NBAS: variants seen among roughly 807,000 people sequenced by gnomAD.
NBAS encodes the protein NAG/BC035112 fusion.
In NBAS, 219 loss-of-function variants were observed where a neutral mutation model predicts 302.5. The ratio of observed to expected loss-of-function variants is 0.72; its 90% confidence interval spans 0.65 to 0.81. The LOEUF (loss-of-function observed/expected upper bound fraction) is 0.81. NBAS is among the 30% of genes least tolerant of loss of function. The pLI is 0.00. For synonymous variants in NBAS, 1,118 were observed against 1,021.6 expected (o/e 1.09, Z -1.80); for missense variants, 2,932 against 2,841.6 (o/e 1.03, Z -0.72).
chr2:15,051,407 A>AG, the NBAS span, among the ~76,000 whole-genome samples: 3 of 152,346 alleles, frequency 2.0e-5, no homozygotes, highest in Non-Finnish European at 4.4e-5. Context: ...GGCAAGCTGC[A>AG]GGTGGCTGAC....
intron 32 of NBAS, among the ~76,000 whole-genome samples, chr2:15,364,221 T>G (rs1434896218): frequency 6.6e-6 from 1 of 152,086 alleles, no homozygotes; most frequent in African/African-American, 2.4e-5. Flanking sequence ...TGCCCAAATA[T>G]CAAAGCTAGA....
chr2:15,524,240 G>C (rs1662813619), intron 9 of NBAS, among the ~76,000 whole-genome samples: 1 of 152,206 alleles, frequency 6.6e-6, no homozygotes, highest in Non-Finnish European at 1.5e-5. Flanking sequence ...CGGGAGACAC[G>C]TGGTGAATGG....
chr2:15,383,925 G>A (rs529617682), intron 28 of NBAS, among the ~76,000 whole-genome samples: 7 of 152,236 alleles, frequency 4.6e-5, no homozygotes, highest in South Asian at 4.1e-4. Flanking sequence ...TCAAGTGACC[G>A]CCCCAGTACA....
chr2:15,341,646 A>G (rs1392548650), intron 35 of NBAS, among the ~76,000 whole-genome samples: 1 of 152,192 alleles, frequency 6.6e-6, no homozygotes, highest in Admixed American at 6.6e-5. Context: ...ATGAAGAAAC[A>G]GCGGGATAGA....
chr2:15,403,067 T>C (rs1188035895), intron 25 of NBAS, among the ~76,000 whole-genome samples: 2 of 150,462 alleles, frequency 1.3e-5, no homozygotes, highest in Non-Finnish European at 2.9e-5. Context: ...CTTATATTAT[T>C]AGCACCACAG....
intron 32 of NBAS, among the ~76,000 whole-genome samples, chr2:15,357,287 A>C (rs1479698540): frequency 1.3e-5 from 2 of 152,182 alleles, no homozygotes; most frequent in Admixed American, 6.5e-5. Flanking sequence ...CACATTAACT[A>C]ATCAAGTATT....
Position 15,353,727 on chromosome 2 carries a change from G to C in NBAS, c.3932-17C>G. Reference sequence around the variant, plus strand: ...TAGGATAACCTGCAAAATTGGCAAGGAAAAAAATGATTCCCAAAAGAAGAA... The same window carrying C: ...TAGGATAACCTGCAAAATTGGCAAGCAAAAAAATGATTCCCAAAAGAAGAA... On this transcript the variant is annotated splice_polypyrimidine_tract_variant and intron_variant, in intron 33 of 51. Coordinates refer to ENST00000281513, the MANE Select transcript of NBAS (RefSeq NM_015909.4). 1 of 1,611,464 alleles carries C rather than the reference G, an allele frequency of 6.2e-7. No homozygotes were observed. Among genetic ancestry groups the C allele is most frequent in the Non-Finnish European group, 8.5e-7 (1 of 1,178,760 alleles).
At chr2:15,209,977 A>AATGGATT (rs1377491548) in intron 48 of NBAS, among the ~76,000 whole-genome samples, 2 of 152,154 alleles carry the variant, frequency 1.3e-5, no homozygotes, top group Admixed American at 1.3e-4. Flanking sequence ...ATCAAATCAA[A>AATGGATT]ATGGATTAAA....
At chr2:14,802,093 T>C in the NBAS span, among the ~76,000 whole-genome samples, 14 of 145,388 alleles carry the variant, frequency 9.6e-5, no homozygotes, top group Non-Finnish European at 1.8e-4. Context: ...ATGAAGTCCT[T>C]GCCCATGCCT....
In NBAS at chr2:15,309,205, G is replaced by C. The variant is rs1671168688; in HGVS notation, c.4625C>G (p.Thr1542Ser). 1 of 1,612,834 alleles carries C rather than the reference G, an allele frequency of 6.2e-7. No individual in the cohort carries two copies. The highest frequency in any genetic ancestry group is 1.3e-5 in the African/African-American group (1 of 74,990). ...LASEALPNDM[T>S]LALAYLLALP... ...GGCAAGAAGGTAAGCAAGAGCCAAGGTCATGTCATTTGGCAAGGCTTCACT... is the reference window on the plus strand; with the variant it reads ...GGCAAGAAGGTAAGCAAGAGCCAAGCTCATGTCATTTGGCAAGGCTTCACT... Residue 1542 changes from threonine (T) to serine (S), a missense_variant, in exon 39 of 52, where the codon ACC becomes AGC. Coordinates refer to ENST00000281513, the MANE Select transcript of NBAS (RefSeq NM_015909.4).
chr2:14,986,909 A>G, the NBAS span, among the ~76,000 whole-genome samples: 1 of 152,158 alleles, frequency 6.6e-6, no homozygotes, highest in African/African-American at 2.4e-5. Flanking sequence ...AATAGGCAGT[A>G]GGTGAGAAAT....
intron 48 of NBAS, among the ~76,000 whole-genome samples, chr2:15,200,491 T>C (rs1183695655): frequency 6.6e-6 from 1 of 152,108 alleles, no homozygotes; most frequent in Non-Finnish European, 1.5e-5. Context: ...TCTTTTAACA[T>C]CCCCACCCCT....
chr2:15,200,363 T>C (rs190165453), intron 48 of NBAS, among the ~76,000 whole-genome samples: 1 of 152,332 alleles, frequency 6.6e-6, no homozygotes, highest in African/African-American at 2.4e-5. Flanking sequence ...GTATTTCAAA[T>C]GACTCTTAAG....
intron 6 of NBAS, among the ~76,000 whole-genome samples, chr2:15,550,133 G>C (rs566037685): frequency 6.6e-6 from 1 of 151,968 alleles, no homozygotes; most frequent in African/African-American, 2.4e-5. Context: ...ACTGCACTCC[G>C]GCCTGGCAAC....
intron 25 of NBAS, among the ~76,000 whole-genome samples, chr2:15,407,176 T>G (rs1676455927): frequency 2.6e-5 from 4 of 152,202 alleles, no homozygotes. Flanking sequence ...TTTTAAAATT[T>G]TATTAGATTT....
the NBAS span, among the ~76,000 whole-genome samples, chr2:14,838,772 G>A: frequency 6.6e-6 from 1 of 151,762 alleles, no homozygotes. Context: ...CTAGAACTTG[G>A]ATTTTTATCT....
chr2:15,353,722 G>A lies in NBAS; in HGVS notation c.3932-12C>T, dbSNP rs949892164. 1 of 1,613,614 alleles carries A rather than the reference G, an allele frequency of 6.2e-7. No homozygotes were observed. The highest frequency in any genetic ancestry group is 8.5e-7 in the Non-Finnish European group (1 of 1,179,874). On this transcript the variant is annotated splice_polypyrimidine_tract_variant and intron_variant, in intron 33 of 51. Transcript: ENST00000281513. ...ACTTTTAGGATAACCTGCAAAATTG[G>A]CAAGGAAAAAAATGATTCCCAAAAG...
Position 15,211,111 on chromosome 2 carries a change from T to C in NBAS, c.6432+7662A>G, listed in dbSNP as rs143051717. Among the ~76,000 whole-genome samples, 299 of 152,258 alleles carry C rather than the reference T, an allele frequency of 2.0e-3. 2 individuals are homozygous for C. The highest frequency in any genetic ancestry group is 6.7e-3 in the African/African-American group (280 of 41,554). The stretch of plus-strand genomic sequence containing the variant: ...AATAATTTAATTGTACATATAAAAA[T>C]TACTAAAAGTATAACTTAGATTGTT... On this transcript the variant is annotated intron_variant, in intron 48 of 51. Coordinates refer to ENST00000281513, the MANE Select transcript of NBAS (RefSeq NM_015909.4).
At position 15,309,177 on chromosome 2, in the gene NBAS, T is replaced by C. The variant is rs774462559; in HGVS notation, c.4653A>G (p.Leu1551=). ...TTGGTAAGGGCAAACTTACTTGTGGTAAGGCAAGAAGGTAAGCAAGAGCCA... is the reference window on the plus strand; with the variant it reads ...TTGGTAAGGGCAAACTTACTTGTGGCAAGGCAAGAAGGTAAGCAAGAGCCA... ...MTLALAYLLA[L]PQVLDANRCF... is the part of the protein sequence containing the mutation. The change falls in exon 39 of 52, where the codon TTA becomes TTG. Residue 1551 remains leucine, a synonymous_variant. Coordinates refer to ENST00000281513, the MANE Select transcript of NBAS (RefSeq NM_015909.4). 2.0e-5 allele frequency: 33 copies of C among 1,612,520 alleles called. No homozygotes were observed. Among genetic ancestry groups the C allele is most frequent in the Non-Finnish European group, 2.7e-5 (32 of 1,178,952 alleles).
Sources: gnomAD v4.1 joint callset for allele counts (sites outside exome capture counted in the v4.1 genomes callset) on GRCh38, gnomAD v4.1.1 for gene constraint, MANE v1.5 for transcripts, NCBI Gene and HGNC (gene_info 2026-07-23, HGNC 2026-07-21) for gene names.